NKAIN2: variants seen among roughly 807,000 people sequenced by gnomAD.
NKAIN2 encodes sodium/potassium-transporting ATPase subunit beta-1-interacting protein 2.
NKAIN2 carries 14 observed loss-of-function variants against 32.6 expected under a neutral mutation model. The ratio of observed to expected loss-of-function variants is 0.43; its 90% CI spans 0.28 to 0.67. The LOEUF (loss-of-function observed/expected upper bound fraction) is 0.67, where lower values mean the gene tolerates loss of function less well. Ranked by LOEUF, NKAIN2 falls within the 30% of genes least tolerant of loss-of-function variation. The pLI is 0.17. For missense variants in NKAIN2, 198 were observed against 258.3 expected (o/e 0.77, Z 1.60); for synonymous variants, 80 against 87.2 (o/e 0.92, Z 0.46).
intron 1 of NKAIN2, among the ~76,000 whole-genome samples, chr6:123,926,477 GC>G (rs1333019526): frequency 1.3e-5 from 2 of 151,416 alleles, no homozygotes; most frequent in Non-Finnish European, 2.9e-5. Flanking sequence ...GATTGCTGCT[GC>G]AGTGTTCCCC....
chr6:124,451,882 A>G (rs1194468743), intron 3 of NKAIN2, among the ~76,000 whole-genome samples: 1 of 151,988 alleles, frequency 6.6e-6, no homozygotes, highest in African/African-American at 2.4e-5. Flanking sequence ...GATTTCCTAG[A>G]TGATCTCTTA....
intron 4 of NKAIN2, among the ~76,000 whole-genome samples, chr6:124,711,003 G>T (rs1271184262): frequency 6.7e-6 from 1 of 148,244 alleles, no homozygotes; most frequent in Non-Finnish European, 1.5e-5. Context: ...GCTTCCTTCA[G>T]GAGCTCTTTT....
At chr6:123,871,508 A>C (rs1475946269) in intron 1 of NKAIN2, among the ~76,000 whole-genome samples, 6 of 152,104 alleles carry the variant, frequency 3.9e-5, no homozygotes, top group Non-Finnish European at 8.8e-5. Flanking sequence ...TCCTCCCCCC[A>C]GTTGAATGCT....
chr6:124,352,529 C>T (rs920600572), intron 2 of NKAIN2, among the ~76,000 whole-genome samples: 7 of 152,050 alleles, frequency 4.6e-5, no homozygotes, highest in African/African-American at 1.2e-4. Flanking sequence ...GAATGCTTGC[C>T]GACGACAAAT....
intron 1 of NKAIN2, among the ~76,000 whole-genome samples, chr6:124,215,193 T>G (rs1791403165): frequency 6.6e-6 from 1 of 152,112 alleles, no homozygotes; most frequent in Admixed American, 6.6e-5. Flanking sequence ...ATTTATATTT[T>G]AAAAATCAAT....
intron 1 of NKAIN2, among the ~76,000 whole-genome samples, chr6:124,160,210 T>G (rs1788200714): frequency 6.6e-6 from 1 of 151,932 alleles, no homozygotes; most frequent in African/African-American, 2.4e-5. Context: ...GGTAGGAAAA[T>G]TTTCCCCTCG....
intron 3 of NKAIN2, among the ~76,000 whole-genome samples, chr6:124,590,603 C>T (rs149525029): frequency 6.6e-6 from 1 of 152,292 alleles, no homozygotes; most frequent in Non-Finnish European, 1.5e-5. Flanking sequence ...ACATCTGTGG[C>T]AAGCATCATG....
At chr6:124,127,530 T>C (rs958225606) in intron 1 of NKAIN2, among the ~76,000 whole-genome samples, 2 of 152,168 alleles carry the variant, frequency 1.3e-5, no homozygotes, top group African/African-American at 2.4e-5. Context: ...TTCTTTGTTT[T>C]TATACTTAGA....
intron 3 of NKAIN2, among the ~76,000 whole-genome samples, chr6:124,377,698 C>A (rs1366970936): frequency 2.6e-5 from 4 of 152,072 alleles, no homozygotes; most frequent in Non-Finnish European, 5.9e-5. Flanking sequence ...TGAAAATTCA[C>A]CATTGAACTT....
chr6:124,238,655 TG>T (rs1188671535), intron 1 of NKAIN2, among the ~76,000 whole-genome samples: 1 of 152,094 alleles, frequency 6.6e-6, no homozygotes. Flanking sequence ...TCATTGGGAC[TG>T]GTTAGACAGT....
At chr6:124,743,203 A>T (rs901044947) in intron 4 of NKAIN2, among the ~76,000 whole-genome samples, 3 of 151,814 alleles carry the variant, frequency 2.0e-5, no homozygotes, top group Non-Finnish European at 2.9e-5. Context: ...CCACTCTATA[A>T]ACCAGTGTCC....
intron 1 of NKAIN2, among the ~76,000 whole-genome samples, chr6:123,963,072 A>G (rs1777921439): frequency 6.6e-6 from 1 of 152,104 alleles, no homozygotes; most frequent in African/African-American, 2.4e-5. Flanking sequence ...AGAAGAGGAG[A>G]AAAACTAATA....
intron 1 of NKAIN2, among the ~76,000 whole-genome samples, chr6:123,874,913 A>G (rs1365529994): frequency 4.6e-5 from 7 of 151,588 alleles, no homozygotes; most frequent in African/African-American, 1.7e-4. Flanking sequence ...ACATACATAT[A>G]TATATGTGTG....
chr6:124,191,478 TTTTA>T (rs1434917993), intron 1 of NKAIN2, among the ~76,000 whole-genome samples: 1 of 152,142 alleles, frequency 6.6e-6, no homozygotes, highest in Non-Finnish European at 1.5e-5. Context: ...AACCTTATAA[TTTTA>T]TTTATTAATT....
intron 2 of NKAIN2, among the ~76,000 whole-genome samples, chr6:124,350,318 C>T (rs368928031): frequency 6.6e-6 from 1 of 151,976 alleles, no homozygotes; most frequent in South Asian, 2.1e-4. Flanking sequence ...GGCCGAATTA[C>T]AAGGCAGTAC....
intron 1 of NKAIN2, among the ~76,000 whole-genome samples, chr6:124,099,766 C>T (rs1463604872): frequency 6.6e-6 from 1 of 152,114 alleles, no homozygotes; most frequent in African/African-American, 2.4e-5. Context: ...CCCAGACATG[C>T]TGCTAAACAT....
At chr6:123,967,892 G>A (rs1000400050) in intron 1 of NKAIN2, among the ~76,000 whole-genome samples, 15 of 152,048 alleles carry the variant, frequency 9.9e-5, no homozygotes, top group African/African-American at 9.7e-5. Context: ...GCTCTCTGTG[G>A]TATCTCAACA....
chr6:123,832,415 A>T (rs1044839749), intron 1 of NKAIN2, among the ~76,000 whole-genome samples: 1 of 152,218 alleles, frequency 6.6e-6, no homozygotes. Flanking sequence ...GGTAATTATG[A>T]ATAAGACAGC....
chr6:124,342,140 G>A (rs113019030), intron 2 of NKAIN2, among the ~76,000 whole-genome samples: 14 of 151,886 alleles, frequency 9.2e-5, no homozygotes, highest in South Asian at 2.1e-4. Flanking sequence ...GGTGGCTCAC[G>A]CCTGTAATCC....
Sources: allele counts gnomAD v4.1 joint callset (sites outside exome capture counted in the v4.1 genomes callset), GRCh38; gene constraint gnomAD v4.1.1; transcripts MANE v1.5; gene names NCBI Gene and HGNC (gene_info 2026-07-23, HGNC 2026-07-21).